Variants in CIT observed in about 807,000 individuals in gnomAD.
CIT encodes citron rho-interacting serine/threonine kinase.
In CIT, 79 loss-of-function variants were observed where a neutral mutation model predicts 272.7. The observed-to-expected ratio is 0.29, with a 90% CI of 0.24 to 0.35. The LOEUF is 0.35. Among genes scored for constraint, CIT ranks in the 10% least tolerant of loss-of-function variants. The probability of loss-of-function intolerance (pLI) is 1.00; values close to 1 mark genes in which losing one functional copy is unlikely to be tolerated. For synonymous variants in CIT, 948 were observed against 995.6 expected (o/e 0.95, Z 0.90); for missense variants, 1,909 against 2,618.3 (o/e 0.73, Z 5.91).
At chr12:119,707,530 T>C (rs772140276) in intron 40 of CIT, among the ~76,000 whole-genome samples, 5 of 151,994 alleles carry the variant, frequency 3.3e-5, no homozygotes, top group Non-Finnish European at 7.4e-5. Flanking sequence ...ATCTGTTTTT[T>C]TTTTCCCTGT....
intron 8 of CIT, among the ~76,000 whole-genome samples, chr12:119,824,538 T>C (rs1284917312): frequency 6.6e-6 from 1 of 152,196 alleles, no homozygotes; most frequent in Non-Finnish European, 1.5e-5. Flanking sequence ...TGTAGTCTTA[T>C]CATTACTGGC....
chr12:119,748,667 G>C (rs893295056), intron 23 of CIT, among the ~76,000 whole-genome samples: 1 of 152,262 alleles, frequency 6.6e-6, no homozygotes, highest in Non-Finnish European at 1.5e-5. Context: ...ACAAATCAAA[G>C]AGGATGACTT....
At chr12:119,740,524 C>T (rs1438242858) in intron 24 of CIT, among the ~76,000 whole-genome samples, 1 of 149,800 alleles carries the variant, frequency 6.7e-6, no homozygotes, top group Non-Finnish European at 1.5e-5. Context: ...ACCAATTATA[C>T]CTCAATAAAA....
chr12:119,769,078 T>C (rs1962790454), intron 18 of CIT, among the ~76,000 whole-genome samples: 1 of 148,412 alleles, frequency 6.7e-6, no homozygotes, highest in Non-Finnish European at 1.5e-5. Context: ...AATCATCCTT[T>C]TTTTTTTTTT....
chr12:119,847,566 C>G (rs928533645), intron 5 of CIT, among the ~76,000 whole-genome samples: 1 of 151,610 alleles, frequency 6.6e-6, no homozygotes, highest in Admixed American at 6.6e-5. Context: ...TGTACTCCAG[C>G]CTGGTGACAG....
chr12:119,856,247 A>C (rs1411544451), intron 4 of CIT, among the ~76,000 whole-genome samples: 1 of 152,148 alleles, frequency 6.6e-6, no homozygotes, highest in Non-Finnish European at 1.5e-5. Context: ...AGTAAACTGC[A>C]ATTCAAAAAC....
intron 23 of CIT, among the ~76,000 whole-genome samples, chr12:119,745,233 A>T (rs1386976206): frequency 6.6e-6 from 1 of 150,908 alleles, no homozygotes; most frequent in East Asian, 1.9e-4. Flanking sequence ...CAGCCAGAGA[A>T]AAATACATGT....
Position 119,697,064 on chromosome 12 carries a change from C to T in CIT, c.5882+595G>A, listed in dbSNP as rs1956264668. Among the ~76,000 whole-genome samples the T allele has an allele frequency of 6.6e-6, 1 of 152,160 alleles. No individual in the cohort carries two copies. Among genetic ancestry groups the T allele is most frequent in the Admixed American group, 6.5e-5 (1 of 15,270 alleles). On this transcript the variant is annotated intron_variant, in intron 46 of 47. Transcript: ENST00000392521. This position sits in a 1 kb window ranked among gnomAD's most constrained non-coding sequence, Gnocchi z 4.9. ...GGAAGGCACGAGGCTGGCCAGGAGT[C>T]CCTGACCTGCTCTCACGACCTCACA...
At chr12:119,778,075 C>T (rs1243281182) in intron 13 of CIT, among the ~76,000 whole-genome samples, 1 of 152,198 alleles carries the variant, frequency 6.6e-6, no homozygotes, top group East Asian at 1.9e-4. Context: ...ATCACTCCTG[C>T]AATGCAAGTC....
Position 119,687,591 on chromosome 12 carries a change from G to A in CIT, c.*641C>T, listed in dbSNP as rs1004615329. On this transcript the variant is annotated 3_prime_UTR_variant, in exon 48 of 48. Coordinates refer to ENST00000392521, the MANE Select transcript of CIT (RefSeq NM_001206999.2). ...ATGAAAACAGTAAACATTTGGCTAC[G>A]ATGTCACCCTGGGGAAAGCAGGGCC... 6.6e-6 allele frequency: 1 copy of A among 152,390 alleles called. No homozygotes were observed. The highest frequency in any genetic ancestry group is 2.4e-5 in the African/African-American group (1 of 41,358). The allele number at this position is 152,390 out of a possible 1,614,324, so 9.4% of individuals were successfully genotyped here. A position where few individuals can be genotyped will look rare whatever the true frequency, so the allele number is the denominator to read the frequency against.
Position 119,686,073 on chromosome 12 carries a change from A to C in CIT, c.*2159T>G, listed in dbSNP as rs1955565480. On this transcript the variant is annotated 3_prime_UTR_variant, in exon 48 of 48. Transcript: ENST00000392521. Reference sequence around the variant, plus strand: ...TCCACAACTACCACCATTGAAACCAAAAGTAAGTGTTGAAAAATGCACCTT... The same window carrying C: ...TCCACAACTACCACCATTGAAACCACAAGTAAGTGTTGAAAAATGCACCTT... 6.6e-6 allele frequency: 1 copy of C among 152,562 alleles called. No individual in the cohort carries two copies. Among genetic ancestry groups the C allele is most frequent in the Non-Finnish European group, 1.5e-5 (1 of 68,034 alleles). The allele number at this position is 152,562 out of a possible 1,614,324, so 9.5% of individuals were successfully genotyped here.
chr12:119,765,969 C>G (rs1051834975), intron 19 of CIT, among the ~76,000 whole-genome samples: 2 of 152,136 alleles, frequency 1.3e-5, no homozygotes, highest in African/African-American at 4.8e-5. Context: ...TTTACAATAG[C>G]TAAGATTTGG....
chr12:119,745,878 G>C (rs1334733690), intron 23 of CIT, among the ~76,000 whole-genome samples: 3 of 152,042 alleles, frequency 2.0e-5, no homozygotes, highest in Non-Finnish European at 4.4e-5. Context: ...TAAATAAAAA[G>C]TTATTGTTTA....
rs777002136 is a variant in CIT, at chr12:119,803,168, C to T, written c.1295+38G>A. 6 of 767,690 alleles carry T rather than the reference C, an allele frequency of 7.8e-6. No individual in the cohort carries two copies. In the Admixed American group the frequency reaches 1.2e-4, roughly 15 times the overall value. The allele number at this position is 767,690 out of a possible 1,614,324, so 47.6% of individuals were successfully genotyped here. ...ACCTTTGGCTCCAAAAGCCTTGCAT[C>T]AATGCAGGTCCCTTTAGAAAGTCAA... is the stretch of plus-strand genomic sequence containing the variant. On this transcript the variant is annotated intron_variant, in intron 10 of 47. Coordinates refer to ENST00000392521, the MANE Select transcript of CIT (RefSeq NM_001206999.2).
chr12:119,704,306 G>T lies in CIT; in HGVS notation c.5304+57C>A, dbSNP rs966276968. The T allele has an allele frequency of 6.0e-6, 9 of 1,508,904 alleles. No homozygotes were observed. The Admixed American group carries it at 1.2e-4, about 20-fold the overall frequency. The allele number at this position is 1,508,904 out of a possible 1,614,324, so 93.5% of individuals were successfully genotyped here. ...GACAGTGCACTTTCCACACTGGCTC[G>T]CTGAGAGAGCAGGACTGGCTTTCCC... On this transcript the variant is annotated intron_variant, in intron 41 of 47. Transcript: ENST00000392521.
At chr12:119,699,829 C>T (rs1009303637) in intron 44 of CIT, 1 of 456,064 alleles carries the variant, frequency 2.2e-6, no homozygotes, top group Non-Finnish European at 4.4e-6. Context: ...GCTTGTTATG[C>T]AGCAAGAGAG....
chr12:119,776,335 A>G, intron 15 of CIT, 23 bp downstream of exon 15: 1 of 1,604,764 alleles, frequency 6.2e-7, no homozygotes, highest in African/African-American at 1.3e-5. Context: ...TATTAATAGC[A>G]AAACCAATCA....
intron 27 of CIT, among the ~76,000 whole-genome samples, chr12:119,729,511 T>C (rs1447930488): frequency 1.3e-5 from 2 of 152,190 alleles, no homozygotes; most frequent in Non-Finnish European, 2.9e-5. Context: ...TCAAAAAATA[T>C]TCAACTCAGA....
intron 24 of CIT, among the ~76,000 whole-genome samples, chr12:119,736,571 C>T (rs745474610): frequency 3.9e-5 from 6 of 152,108 alleles, no homozygotes; most frequent in Non-Finnish European, 8.8e-5. Context: ...TTCCTATGTA[C>T]GATTTTGAAG....
Sources: gnomAD v4.1 joint callset for allele counts (sites outside exome capture counted in the v4.1 genomes callset) on GRCh38, gnomAD v4.1.1 for gene constraint, Gnocchi (gnomAD v3.1) non-coding constraint, MANE v1.5 for transcripts, NCBI Gene and HGNC (gene_info 2026-07-23, HGNC 2026-07-21) for gene names.